Variants in SLC12A8 observed in about 807,000 individuals in gnomAD.
SLC12A8 encodes the protein cation-chloride cotransporter 9.
A neutral mutation model predicts 75.6 loss-of-function variants in SLC12A8; 69 were observed. The ratio of observed to expected loss-of-function variants is 0.91; its 90% CI spans 0.75 to 1.11. SLC12A8 has a LOEUF of 1.11. Among genes scored for constraint, SLC12A8 ranks in the 50% most tolerant of loss-of-function variants. SLC12A8 has a pLI of 0.00. For missense variants in SLC12A8, 877 were observed against 896.7 expected (o/e 0.98, Z 0.28); for synonymous variants, 365 against 372.8 (o/e 0.98, Z 0.24).
At chr3:125,211,248 T>A in intron 2 of SLC12A8, 51 bp downstream of exon 2, 4 of 1,475,166 alleles carry the variant, frequency 2.7e-6, no homozygotes, top group Non-Finnish European at 3.8e-6. Flanking sequence ...TGTCTGGGGA[T>A]CCCCGTGCTC....
chr3:125,141,885 G>C (rs1933649038), intron 5 of SLC12A8, among the ~76,000 whole-genome samples: 1 of 152,122 alleles, frequency 6.6e-6, no homozygotes, highest in Non-Finnish European at 1.5e-5. Flanking sequence ...GGGGCTCGGA[G>C]GGCGCAGGAA....
chr3:125,179,085 G>A (rs1420548002), intron 4 of SLC12A8, among the ~76,000 whole-genome samples: 1 of 151,862 alleles, frequency 6.6e-6, no homozygotes, highest in East Asian at 1.9e-4. Context: ...CTGCCCCCAG[G>A]GCCAGCTGGT....
chr3:125,173,816 C>CGCAGT (rs1239588327), intron 5 of SLC12A8, among the ~76,000 whole-genome samples: 1 of 152,210 alleles, frequency 6.6e-6, no homozygotes, highest in Non-Finnish European at 1.5e-5. Flanking sequence ...AGTGGCCGGG[C>CGCAGT]GCAGTGGCTC....
At chr3:125,202,952 G>T (rs1935154354) in intron 2 of SLC12A8, among the ~76,000 whole-genome samples, 1 of 151,950 alleles carries the variant, frequency 6.6e-6, no homozygotes, top group Non-Finnish European at 1.5e-5. Context: ...GCCAAGCGTG[G>T]TGGCAGGCAC....
chr3:125,162,590 G>A (rs1338474600), intron 5 of SLC12A8, among the ~76,000 whole-genome samples: 1 of 152,182 alleles, frequency 6.6e-6, no homozygotes, highest in Non-Finnish European at 1.5e-5. Context: ...ATTGTTTTTG[G>A]TCTTAAGAAC....
intron 6 of SLC12A8, among the ~76,000 whole-genome samples, chr3:125,131,794 G>GCT (rs1933364214): frequency 1.3e-5 from 2 of 152,194 alleles, no homozygotes; most frequent in Admixed American, 1.3e-4. Flanking sequence ...GCCCTGGACA[G>GCT]GAGTGTCCCC....
At chr3:125,170,591 C>T (rs909758552) in intron 5 of SLC12A8, among the ~76,000 whole-genome samples, 1 of 152,200 alleles carries the variant, frequency 6.6e-6, no homozygotes. Flanking sequence ...TGTACATGCA[C>T]ATGTGCATGT....
At position 125,211,323 on chromosome 3, in the gene SLC12A8, C is replaced by G. The variant is rs200348950; in HGVS notation, c.27G>C (p.Glu9Asp). The change falls in exon 2 of 14, where the codon GAG (glutamate) becomes GAC (aspartate). Residue 9 changes from glutamate to aspartate, a missense_variant. Physicochemically the swap from Glu to Asp is conservative, Grantham distance 45. Transcript: ENST00000469902. MTQMSQVQELFHEAAQQDA... is the reference protein window; with the variant it reads MTQMSQVQDLFHEAAQQDA... The stretch of plus-strand genomic sequence containing the variant: ...CCTGCTGGGCTGCCTCATGGAAGAG[C>G]TCCTGCACCTGGGACATCTGGGTCA... 275 of 1,613,706 alleles carry G rather than the reference C, an allele frequency of 1.7e-4. No homozygotes were observed. The highest frequency in any genetic ancestry group is 1.0e-3 in the Admixed American group (60 of 60,006).
At chr3:125,195,597 T>TG (rs915199434) in intron 2 of SLC12A8, among the ~76,000 whole-genome samples, 5 of 145,134 alleles carry the variant, frequency 3.4e-5, no homozygotes, top group Non-Finnish European at 6.3e-5. Context: ...AATCTGTTGT[T>TG]TTTTTTTTTT....
intron 10 of SLC12A8, among the ~76,000 whole-genome samples, chr3:125,097,193 TG>T (rs1938736734): frequency 6.6e-6 from 1 of 150,958 alleles, no homozygotes; most frequent in Non-Finnish European, 1.5e-5. Flanking sequence ...AAGACCATCC[TG>T]GCCAACATGG....
At chr3:125,159,830 C>T (rs916477225) in intron 5 of SLC12A8, among the ~76,000 whole-genome samples, 1 of 152,248 alleles carries the variant, frequency 6.6e-6, no homozygotes, top group African/African-American at 2.4e-5. Context: ...TCCAGCTGCC[C>T]AGACACATGC....
At chr3:125,207,163 G>C (rs530560579) in intron 2 of SLC12A8, among the ~76,000 whole-genome samples, 48 of 152,308 alleles carry the variant, frequency 3.2e-4, no homozygotes, top group African/African-American at 1.1e-3. Flanking sequence ...CAGTCACAAT[G>C]GTTCTGACGG....
At chr3:125,212,525 A>G (rs1935357241) in intron 1 of SLC12A8, among the ~76,000 whole-genome samples, 175 bp downstream of exon 1, 1 of 152,046 alleles carries the variant, frequency 6.6e-6, no homozygotes. Flanking sequence ...CCGCACCCCA[A>G]GTACTGGGGC....
At chr3:125,182,445 A>G (rs1433291721) in intron 4 of SLC12A8, among the ~76,000 whole-genome samples, 3 of 152,206 alleles carry the variant, frequency 2.0e-5, no homozygotes, top group Non-Finnish European at 1.5e-5. Flanking sequence ...ATTGACCAAG[A>G]GATATATCTA....
intron 8 of SLC12A8, among the ~76,000 whole-genome samples, chr3:125,118,449 C>T (rs971846140): frequency 1.3e-5 from 2 of 151,880 alleles, no homozygotes; most frequent in African/African-American, 2.4e-5. Flanking sequence ...CATGGTGAGA[C>T]CTCATCTCTA....
chr3:125,167,667 A>G (rs1237445956), intron 5 of SLC12A8, among the ~76,000 whole-genome samples: 1 of 152,236 alleles, frequency 6.6e-6, no homozygotes, highest in Non-Finnish European at 1.5e-5. Flanking sequence ...AACATGGCTC[A>G]AGACCACACA....
At chr3:125,206,511 C>T (rs1373525035) in intron 2 of SLC12A8, among the ~76,000 whole-genome samples, 1 of 152,222 alleles carries the variant, frequency 6.6e-6, no homozygotes. Flanking sequence ...CTTGCCAGTG[C>T]CACTTCTCTA....
At position 125,190,349 on chromosome 3, in the gene SLC12A8, C is replaced by T. The variant is rs912082336; in HGVS notation, c.198+26G>A. On this transcript the variant is annotated intron_variant, in intron 3 of 13. Transcript: ENST00000469902. ...TTTCCTGTCTTGGGCCCGTGAGAGGCTCCAGGCCACCAACTCAGCACTCAC... is the reference window on the plus strand; with the variant it reads ...TTTCCTGTCTTGGGCCCGTGAGAGGTTCCAGGCCACCAACTCAGCACTCAC... The T allele has an allele frequency of 3.1e-6, 5 of 1,612,690 alleles. No individual in the cohort carries two copies. The South Asian group carries it at 4.4e-5, about 14-fold the overall frequency.
At chr3:125,089,616 ATGTTTGAAGTGCATTTCTTTCAAAG>A (rs1938538055) in intron 12 of SLC12A8, among the ~76,000 whole-genome samples, 2 of 150,452 alleles carry the variant, frequency 1.3e-5, no homozygotes, top group Admixed American at 1.3e-4. Context: ...ACGACTTAAA[ATGTTTGAAGTGCATTTCTTTCAAAG>A]TGTTTGAAGT....
Sources: allele counts gnomAD v4.1 joint callset (sites outside exome capture counted in the v4.1 genomes callset), GRCh38; gene constraint gnomAD v4.1.1; transcripts MANE v1.5; gene names NCBI Gene and HGNC (gene_info 2026-07-23, HGNC 2026-07-21).